KLHL29: variants seen among roughly 807,000 people sequenced by gnomAD.
The protein encoded by KLHL29 is kelch like family member 29.
Under a neutral mutation model 80.4 loss-of-function variants are expected in KLHL29, and 21 were observed. The ratio of observed to expected loss-of-function variants is 0.26; its 90% CI spans 0.19 to 0.38. The LOEUF (loss-of-function observed/expected upper bound fraction) is 0.38. Ranked by LOEUF, KLHL29 falls within the 10% of genes least tolerant of loss-of-function variation. KLHL29 has a pLI of 1.00. For synonymous variants in KLHL29, 511 were observed against 526.8 expected (o/e 0.97, Z 0.41); for missense variants, 867 against 1,223.9 (o/e 0.71, Z 4.35).
intron 2 of KLHL29, among the ~76,000 whole-genome samples, chr2:23,518,421 A>G (rs1666003673): frequency 6.6e-6 from 1 of 152,154 alleles, no homozygotes; most frequent in African/African-American, 2.4e-5. Flanking sequence ...CCTGGCTGCA[A>G]AGAGAGGGGG....
At chr2:23,522,715 T>A (rs1221356305) in intron 2 of KLHL29, among the ~76,000 whole-genome samples, 1 of 152,190 alleles carries the variant, frequency 6.6e-6, no homozygotes, top group Non-Finnish European at 1.5e-5. Context: ...AGAGAGTTTC[T>A]TCTCCTCCAA....
At chr2:23,692,379 G>A (rs1168849740) in intron 7 of KLHL29, among the ~76,000 whole-genome samples, 1 of 152,262 alleles carries the variant, frequency 6.6e-6, no homozygotes, top group Non-Finnish European at 1.5e-5. Flanking sequence ...GCTCCCGGGG[G>A]GGTCGCTGAC....
chr2:23,511,823 G>A (rs1665781366), intron 2 of KLHL29, among the ~76,000 whole-genome samples: 2 of 152,128 alleles, frequency 1.3e-5, no homozygotes, highest in Admixed American at 6.5e-5. Context: ...AGGGAGGTGT[G>A]TGGCTGGTGG....
At position 23,705,143 on chromosome 2, in the gene KLHL29, A is replaced by G. The variant is rs11890001; in HGVS notation, c.2444+1280A>G. Among the ~76,000 whole-genome samples, 519 of 152,334 alleles carry G rather than the reference A, an allele frequency of 3.4e-3. 3 individuals carry two copies. Among genetic ancestry groups the G allele is most frequent in the African/African-American group, 0.012 (500 of 41,568 alleles). ...ACTACCCCGTCCACTGATGCAGACA[A>G]CTGGAGCATTGCGCTCCACTTGGGA... On this transcript the variant is annotated intron_variant, in intron 13 of 13. Transcript: ENST00000486442.
At position 23,582,808 on chromosome 2, in the gene KLHL29, G is replaced by A. The variant is rs1028083060; in HGVS notation, c.285+20327G>A. Among the ~76,000 whole-genome samples the A allele has an allele frequency of 2.4e-4, 37 of 152,274 alleles. 1 individual carries two copies. Among genetic ancestry groups the A allele is most frequent in the African/African-American group, 7.9e-4 (33 of 41,554 alleles). ...ATTTTACTTTCAGGGCACTCCCCAT[G>A]TAGTAGGTTAAATAGTACCCCACCC... On this transcript the variant is annotated intron_variant, in intron 3 of 13. Transcript: ENST00000486442.
chr2:23,651,954 C>A (rs555112840), intron 5 of KLHL29, among the ~76,000 whole-genome samples: 15 of 152,282 alleles, frequency 9.9e-5, no homozygotes, highest in African/African-American at 3.6e-4. Flanking sequence ...TTTAAAGGCC[C>A]TTTCTCCAGA....
At chr2:23,564,789 C>T (rs1032951366) in intron 3 of KLHL29, among the ~76,000 whole-genome samples, 10 of 152,216 alleles carry the variant, frequency 6.6e-5, no homozygotes, top group Non-Finnish European at 1.2e-4. Context: ...CTCTTGCCCT[C>T]GGGGAGCTCA....
At chr2:23,617,574 T>C (rs1669053167) in intron 3 of KLHL29, 1 of 152,222 alleles carries the variant, frequency 6.6e-6, no homozygotes, top group Non-Finnish European at 1.5e-5. Context: ...TTTCAGGTTA[T>C]ATAAAAGGGC....
intron 5 of KLHL29, among the ~76,000 whole-genome samples, chr2:23,648,440 A>G (rs1169809113): frequency 6.6e-6 from 1 of 151,552 alleles, no homozygotes; most frequent in Non-Finnish European, 1.5e-5. Flanking sequence ...GTCCCAGGAG[A>G]TATGACATTT....
intron 2 of KLHL29, among the ~76,000 whole-genome samples, chr2:23,519,722 G>A (rs867844554): frequency 6.6e-6 from 1 of 152,326 alleles, no homozygotes; most frequent in Non-Finnish European, 1.5e-5. Flanking sequence ...ATTTTAGGGA[G>A]ACATGAGACA....
At chr2:23,606,281 G>A (rs868154253) in intron 3 of KLHL29, among the ~76,000 whole-genome samples, 27 of 152,062 alleles carry the variant, frequency 1.8e-4, no homozygotes, top group South Asian at 1.0e-3. Context: ...GAACGTTCCC[G>A]GGCCTTGCAC....
intron 2 of KLHL29, among the ~76,000 whole-genome samples, chr2:23,526,287 A>T (rs56251230): frequency 7.7e-5 from 3 of 39,192 alleles, no homozygotes; most frequent in Admixed American, 2.4e-4. Flanking sequence ...GAAGCGTCAC[A>T]GGGGAGGGGA....
chr2:23,581,480 C>T (rs1177512396), intron 3 of KLHL29, among the ~76,000 whole-genome samples: 1 of 152,156 alleles, frequency 6.6e-6, no homozygotes, highest in Non-Finnish European at 1.5e-5. Context: ...ACTCCTGATC[C>T]GCCTTCCACT....
intron 2 of KLHL29, among the ~76,000 whole-genome samples, chr2:23,494,805 C>G (rs1217277124): frequency 6.6e-6 from 1 of 152,206 alleles, no homozygotes; most frequent in African/African-American, 2.4e-5. Flanking sequence ...GGTCCTCTCC[C>G]TGCTTTCCGG....
intron 1 of KLHL29, among the ~76,000 whole-genome samples, chr2:23,442,182 C>G (rs1049264779): frequency 6.6e-6 from 1 of 152,166 alleles, no homozygotes; most frequent in Admixed American, 6.5e-5. Flanking sequence ...CTCCTACCTC[C>G]CAGGCTCAAG....
intron 1 of KLHL29, among the ~76,000 whole-genome samples, chr2:23,390,410 G>T (rs569930956): frequency 6.6e-6 from 1 of 152,104 alleles, no homozygotes; most frequent in Admixed American, 6.5e-5. Flanking sequence ...GACGACAGCC[G>T]CTAGGCCATT....
intron 2 of KLHL29, among the ~76,000 whole-genome samples, chr2:23,496,177 A>G (rs1374025041): frequency 6.6e-6 from 1 of 152,214 alleles, no homozygotes; most frequent in African/African-American, 2.4e-5. Context: ...CAGCAGTGGG[A>G]TATCAGCTGT....
intron 2 of KLHL29, among the ~76,000 whole-genome samples, chr2:23,558,570 T>C (rs1200183583): frequency 6.6e-6 from 1 of 152,084 alleles, no homozygotes; most frequent in Non-Finnish European, 1.5e-5. Context: ...CCTGGCTAAT[T>C]TTCGTATTTT....
intron 2 of KLHL29, among the ~76,000 whole-genome samples, chr2:23,487,330 T>C (rs10208318): frequency 0.12 from 18,790 of 152,160 alleles, 1,300 homozygotes; most frequent in East Asian, 0.26. Flanking sequence ...CCAAGGACGC[T>C]GGAGAGAGGG....
Sources: gnomAD v4.1 joint callset for allele counts (sites outside exome capture counted in the v4.1 genomes callset) on GRCh38, gnomAD v4.1.1 for gene constraint, MANE v1.5 for transcripts, NCBI Gene and HGNC (gene_info 2026-07-23, HGNC 2026-07-21) for gene names.